The following CAMK2D variants were observed in gnomAD, a reference collection of about 807,000 sequenced individuals.
CAMK2D encodes the protein calcium/calmodulin-dependent protein kinase type II subunit delta.
Under a neutral mutation model 84.0 loss-of-function variants are expected in CAMK2D, and 37 were observed. The ratio of observed to expected loss-of-function variants is 0.44; its 90% CI spans 0.34 to 0.58. The LOEUF is 0.58. Ranked by LOEUF, CAMK2D falls within the 20% of genes least tolerant of loss-of-function variation. The pLI is 0.02. For synonymous variants in CAMK2D, 202 were observed against 212.5 expected (o/e 0.95, Z 0.43); for missense variants, 448 against 652.5 (o/e 0.69, Z 3.41).
rs767879583 is a variant in CAMK2D at position 113,661,810 on chromosome 4, C to T, written c.161-38G>A. The T allele has an allele frequency of 5.7e-5, 59 of 1,033,500 alleles. 1 individual carries two copies. In the East Asian group the frequency reaches 1.5e-3, roughly 27 times the overall value. 64.0% of individuals were successfully genotyped at this position (1,033,500 alleles called of 1,614,324 possible). A position where few individuals can be genotyped will look rare whatever the true frequency, so the allele number is the denominator to read the frequency against. On this transcript the variant is annotated intron_variant, in intron 2 of 20. Transcript: ENST00000511664. ...AAAACAGAATAAGGCAAAAATAAAG[C>T]AAAAAATAATAAAACACAATAAACA... is the stretch of plus-strand genomic sequence containing the variant.
At chr4:113,497,236 G>T (rs1380440176) in intron 16 of CAMK2D, among the ~76,000 whole-genome samples, 1 of 152,026 alleles carries the variant, frequency 6.6e-6, no homozygotes, top group Non-Finnish European at 1.5e-5. Context: ...CATATAAAGG[G>T]TAGGAAACAG....
chr4:113,663,636 C>T (rs9307395), intron 2 of CAMK2D, among the ~76,000 whole-genome samples: 7,192 of 149,318 alleles, frequency 0.048, 552 homozygotes, highest in African/African-American at 0.16. Context: ...ACATGAAAGA[C>T]ATATACTTAA....
chr4:113,733,094 G>C (rs182299918), intron 2 of CAMK2D, among the ~76,000 whole-genome samples: 1 of 152,284 alleles, frequency 6.6e-6, no homozygotes, highest in Admixed American at 6.5e-5. Context: ...TAGACTAGTG[G>C]AGAGCTTGAG....
At chr4:113,730,659 T>G (rs2099565133) in intron 2 of CAMK2D, among the ~76,000 whole-genome samples, 1 of 152,160 alleles carries the variant, frequency 6.6e-6, no homozygotes, top group South Asian at 2.1e-4. Flanking sequence ...ATACAAAACT[T>G]TTTTACCCAA....
chr4:113,615,236 A>C (rs2099016483), intron 3 of CAMK2D, among the ~76,000 whole-genome samples: 1 of 152,196 alleles, frequency 6.6e-6, no homozygotes, highest in African/African-American at 2.4e-5. Context: ...AAAAGAGGGA[A>C]GCCAACATTA....
At position 113,457,586 on chromosome 4, in the gene CAMK2D, G is replaced by A. The variant is rs569894143; in HGVS notation, c.1307-23C>T. 27 of 1,602,562 alleles carry A rather than the reference G, an allele frequency of 1.7e-5. No homozygotes were observed. In the South Asian group the frequency reaches 2.7e-4, roughly 16 times the overall value. On this transcript the variant is annotated intron_variant, in intron 18 of 20. Transcript: ENST00000511664. The stretch of plus-strand genomic sequence containing the variant: ...AAGCTGAAAGAGAAAAACATGAAAA[G>A]CAAAATTTAGTTTCTATGTAAAGGA...
chr4:113,742,713 G>GT (rs1554090419), intron 2 of CAMK2D, among the ~76,000 whole-genome samples: 4 of 151,914 alleles, frequency 2.6e-5, no homozygotes, highest in Non-Finnish European at 4.4e-5. Flanking sequence ...AGCCCCAATC[G>GT]TCACAGTCAC....
At chr4:113,756,422 A>T (rs1392520147) in intron 2 of CAMK2D, among the ~76,000 whole-genome samples, 6 of 152,008 alleles carry the variant, frequency 3.9e-5, no homozygotes, top group Admixed American at 6.6e-5. Context: ...TACAAACAAA[A>T]ATTTGCACAA....
At chr4:113,682,534 T>C (rs2099348855) in intron 2 of CAMK2D, among the ~76,000 whole-genome samples, 1 of 152,092 alleles carries the variant, frequency 6.6e-6, no homozygotes, top group African/African-American at 2.4e-5. Context: ...CCATTCAGAC[T>C]TCAACTTCTG....
At position 113,715,326 on chromosome 4, in the gene CAMK2D, CTTAAT is replaced by C. The variant is rs149290396; in HGVS notation, c.160+43989_160+43993del. Among the ~76,000 whole-genome samples the C allele has an allele frequency of 9.5e-3, 1,451 of 152,056 alleles. 14 individuals carry two copies. The highest frequency in any genetic ancestry group is 0.033 in the African/African-American group (1,371 of 41,508). On this transcript the variant is annotated intron_variant, in intron 2 of 20. Transcript: ENST00000511664. ...AACAGTGAGCATTCTTCTCTTCTTC[CTTAAT>C]TTAAAGGAAATGTTTCTAGGTTTCA... is the stretch of plus-strand genomic sequence containing the variant.
chr4:113,602,495 A>G (rs1353162276), intron 4 of CAMK2D, among the ~76,000 whole-genome samples: 2 of 152,212 alleles, frequency 1.3e-5, no homozygotes, highest in East Asian at 3.9e-4. Context: ...CTCTCCAGGG[A>G]AGGCAGAAGT....
At chr4:113,564,095 T>C (rs1188382005) in intron 4 of CAMK2D, among the ~76,000 whole-genome samples, 1 of 152,200 alleles carries the variant, frequency 6.6e-6, no homozygotes, top group Non-Finnish European at 1.5e-5. Context: ...GTTCCCTATA[T>C]TAAGAGTTTT....
In CAMK2D at chr4:113,576,705, G is replaced by C. The variant is rs997472358; in HGVS notation, c.276-24609C>G. Among the ~76,000 whole-genome samples, 37 of 151,904 alleles carry C rather than the reference G, an allele frequency of 2.4e-4. 1 individual carries two copies. Among genetic ancestry groups the C allele is most frequent in the Admixed American group, 6.6e-5 (1 of 15,240 alleles). ...TTAACTGCAGATGTATTTCTCAGAAGATCACTTTAAATTTTTTTTAAAAGA... is the reference window on the plus strand; with the variant it reads ...TTAACTGCAGATGTATTTCTCAGAACATCACTTTAAATTTTTTTTAAAAGA... On this transcript the variant is annotated intron_variant, in intron 4 of 20. Coordinates refer to ENST00000511664, the MANE Select transcript of CAMK2D (RefSeq NM_001321571.2).
At chr4:113,644,578 TA>T (rs1468579836) in intron 3 of CAMK2D, among the ~76,000 whole-genome samples, 1 of 151,766 alleles carries the variant, frequency 6.6e-6, no homozygotes, top group Non-Finnish European at 1.5e-5. Context: ...AGAAGGTAGG[TA>T]ACAATAAGAC....
intron 4 of CAMK2D, among the ~76,000 whole-genome samples, chr4:113,583,438 T>G (rs1205737891): frequency 6.6e-6 from 1 of 152,148 alleles, no homozygotes. Context: ...AAAGTTCCAA[T>G]TTAAACAATA....
intron 3 of CAMK2D, among the ~76,000 whole-genome samples, chr4:113,637,390 TTTTG>T (rs1217403450): frequency 2.6e-5 from 4 of 152,234 alleles, no homozygotes; most frequent in African/African-American, 4.8e-5. Flanking sequence ...CAATGTTTCA[TTTTG>T]TTTTTCAAAA....
intron 16 of CAMK2D, among the ~76,000 whole-genome samples, chr4:113,496,036 C>T (rs983673418): frequency 5.3e-5 from 8 of 152,082 alleles, no homozygotes; most frequent in South Asian, 4.1e-4. Context: ...GGTTATGAGG[C>T]GGAGAGGCAT....
intron 2 of CAMK2D, among the ~76,000 whole-genome samples, chr4:113,684,455 T>A (rs946768530): frequency 6.6e-6 from 1 of 152,246 alleles, no homozygotes; most frequent in Non-Finnish European, 1.5e-5. Context: ...ATGTACTGTA[T>A]GTATAATTAT....
At chr4:113,591,144 A>G (rs1365402229) in intron 4 of CAMK2D, among the ~76,000 whole-genome samples, 1 of 151,742 alleles carries the variant, frequency 6.6e-6, no homozygotes, top group Non-Finnish European at 1.5e-5. Flanking sequence ...TATCTTTCCT[A>G]TTTTAGAAGT....
Sources: allele counts gnomAD v4.1 joint callset (sites outside exome capture counted in the v4.1 genomes callset), GRCh38; gene constraint gnomAD v4.1.1; transcripts MANE v1.5; gene names NCBI Gene and HGNC (gene_info 2026-07-23, HGNC 2026-07-21).